EYA1: variants seen among roughly 807,000 people sequenced by gnomAD.
EYA1 encodes protein phosphatase EYA1.
A neutral mutation model predicts 82.0 loss-of-function variants in EYA1; 16 were observed. The ratio of observed to expected loss-of-function variants is 0.20; its 90% CI spans 0.13 to 0.30. EYA1 has a LOEUF of 0.30. Among genes scored for constraint, EYA1 ranks in the 10% least tolerant of loss-of-function variants. EYA1 has a pLI of 1.00. For synonymous variants in EYA1, 261 were observed against 264.4 expected (o/e 0.99, Z 0.12); for missense variants, 633 against 730.7 (o/e 0.87, Z 1.54).
intron 4 of EYA1, among the ~76,000 whole-genome samples, chr8:71,326,319 A>G (rs1489146511): frequency 6.6e-6 from 1 of 151,782 alleles, no homozygotes; most frequent in East Asian, 1.9e-4. Context: ...GTAAGTTTTG[A>G]CTCTTCTCTT....
At position 71,252,340 on chromosome 8, in the gene EYA1, A is replaced by C. The variant is rs557851316; in HGVS notation, c.1051-7648T>G. Among the ~76,000 whole-genome samples the C allele has an allele frequency of 1.4e-4, 22 of 152,124 alleles. No individual in the cohort carries two copies. The South Asian group carries it at 4.4e-3, about 30-fold the overall frequency. On this transcript the variant is annotated intron_variant, in intron 11 of 17. Coordinates refer to ENST00000340726, the MANE Select transcript of EYA1 (RefSeq NM_000503.6). Reference sequence around the variant, plus strand: ...AAGTGCTATATGTATTGTGCCTACTAAAAAGTAAAGGTATTCCTTTACAAC... The same window carrying C: ...AAGTGCTATATGTATTGTGCCTACTCAAAAGTAAAGGTATTCCTTTACAAC...
chr8:71,357,465 G>A (rs552849794), intron 1 of EYA1, among the ~76,000 whole-genome samples: 1 of 152,344 alleles, frequency 6.6e-6, no homozygotes, highest in African/African-American at 2.4e-5. Context: ...CTGCTGGCTT[G>A]TAAGCTCAGG....
intron 12 of EYA1, among the ~76,000 whole-genome samples, chr8:71,235,976 CT>C (rs1406048287): frequency 2.0e-5 from 3 of 152,116 alleles, no homozygotes; most frequent in Non-Finnish European, 4.4e-5. Flanking sequence ...ATCGTCGTGG[CT>C]TTTAAAAAAT....
chr8:71,290,716 T>C (rs1165238615), intron 9 of EYA1, among the ~76,000 whole-genome samples: 1 of 152,110 alleles, frequency 6.6e-6, no homozygotes, highest in African/African-American at 2.4e-5. Flanking sequence ...CTCATTTTCA[T>C]AACGTTTCTC....
intron 16 of EYA1, among the ~76,000 whole-genome samples, chr8:71,214,215 A>G (rs1183177084): frequency 6.6e-6 from 1 of 152,034 alleles, no homozygotes; most frequent in East Asian, 1.9e-4. Context: ...CTAAAATAAC[A>G]TTCCTCTCCT....
chr8:71,500,706 AC>A (rs1328164668), intron 2 of EYA1, among the ~76,000 whole-genome samples: 2 of 152,170 alleles, frequency 1.3e-5, no homozygotes, highest in Non-Finnish European at 2.9e-5. Context: ...AAAGGAAATT[AC>A]CTACATTCTG....
At chr8:71,436,344 G>C (rs763755819) in intron 2 of EYA1, among the ~76,000 whole-genome samples, 14 of 152,122 alleles carry the variant, frequency 9.2e-5, no homozygotes, top group Non-Finnish European at 1.3e-4. Context: ...TACCCGAAGA[G>C]AGAATCATTA....
chr8:71,361,859 C>T lies in EYA1; in HGVS notation c.-267G>A, dbSNP rs1446651507. The T allele has an allele frequency of 2.0e-6, 2 of 985,430 alleles. No homozygotes were observed. Among genetic ancestry groups the T allele is most frequent in the African/African-American group, 1.7e-5 (1 of 57,354 alleles). The allele number at this position is 985,430 out of a possible 1,614,324, so 61.0% of individuals were successfully genotyped here. A position where few individuals can be genotyped will look rare whatever the true frequency, so the allele number is the denominator to read the frequency against. ...AGGCGCCTGGCCGCTGCCGCAGGCT[C>T]GGGCTGCCGAGCGACTGAGCGAAAA... On this transcript the variant is annotated 5_prime_UTR_variant, in exon 1 of 18. Coordinates refer to ENST00000340726, the MANE Select transcript of EYA1 (RefSeq NM_000503.6).
chr8:71,458,020 T>A (rs1168856030), intron 2 of EYA1, among the ~76,000 whole-genome samples: 1 of 152,212 alleles, frequency 6.6e-6, no homozygotes, highest in African/African-American at 2.4e-5. Flanking sequence ...AGTGTACACA[T>A]ACTGTAATTT....
At chr8:71,331,544 G>A (rs1246581381) in intron 4 of EYA1, among the ~76,000 whole-genome samples, 1 of 149,332 alleles carries the variant, frequency 6.7e-6, no homozygotes, top group Non-Finnish European at 1.5e-5. Context: ...TAAGACAAAA[G>A]CAGAAGGAAT....
chr8:71,479,757 C>T (rs912067237), intron 2 of EYA1, among the ~76,000 whole-genome samples: 1 of 152,108 alleles, frequency 6.6e-6, no homozygotes, highest in African/African-American at 2.4e-5. Context: ...TGAAGACACC[C>T]TATCACTCAA....
At chr8:71,247,697 T>A (rs188178945) in intron 11 of EYA1, among the ~76,000 whole-genome samples, 3 of 152,034 alleles carry the variant, frequency 2.0e-5, no homozygotes, top group East Asian at 1.9e-4. Context: ...TCACAAGGAG[T>A]TTAAGTATCA....
intron 2 of EYA1, among the ~76,000 whole-genome samples, chr8:71,418,759 T>C (rs1007086620): frequency 6.6e-6 from 1 of 152,126 alleles, no homozygotes; most frequent in African/African-American, 2.4e-5. Flanking sequence ...CTGTCCCAGA[T>C]GACGATGAGT....
chr8:71,460,805 G>T (rs1197342440), intron 2 of EYA1, among the ~76,000 whole-genome samples: 1 of 152,220 alleles, frequency 6.6e-6, no homozygotes, highest in Non-Finnish European at 1.5e-5. Context: ...GACTTAGACA[G>T]CTCGACTTTA....
At chr8:71,222,742 A>G (rs1274139174) in intron 12 of EYA1, among the ~76,000 whole-genome samples, 2 of 152,212 alleles carry the variant, frequency 1.3e-5, no homozygotes, top group African/African-American at 4.8e-5. Context: ...GAAAAGCTAA[A>G]TAATGTGAGA....
At chr8:71,281,488 T>C (rs1002257603) in intron 9 of EYA1, among the ~76,000 whole-genome samples, 4 of 152,260 alleles carry the variant, frequency 2.6e-5, no homozygotes, top group Admixed American at 2.6e-4. Flanking sequence ...CCTCCATCTC[T>C]GCTAATCTGT....
intron 2 of EYA1, among the ~76,000 whole-genome samples, chr8:71,420,254 A>C (rs1029467132): frequency 6.6e-6 from 1 of 152,240 alleles, no homozygotes; most frequent in African/African-American, 2.4e-5. Flanking sequence ...GGGATACTAT[A>C]CTGAAGAAAG....
chr8:71,314,265 C>T (rs2070708574), intron 7 of EYA1, among the ~76,000 whole-genome samples: 1 of 152,008 alleles, frequency 6.6e-6, no homozygotes, highest in Non-Finnish European at 1.5e-5. Flanking sequence ...ACTAGGTGCA[C>T]AAAATCATTG....
chr8:71,393,801 A>G (rs1829424022), intron 2 of EYA1, among the ~76,000 whole-genome samples: 1 of 152,214 alleles, frequency 6.6e-6, no homozygotes, highest in African/African-American at 2.4e-5. Context: ...TCCTTTGGGT[A>G]TATGCCCAAT....
Sources: allele counts gnomAD v4.1 joint callset (sites outside exome capture counted in the v4.1 genomes callset), GRCh38; gene constraint gnomAD v4.1.1; transcripts MANE v1.5; gene names NCBI Gene and HGNC (gene_info 2026-07-23, HGNC 2026-07-21).